Variants in SPEF2 observed in about 807,000 individuals in gnomAD.
The protein encoded by SPEF2 is sperm flagellar and cilia associated 2, also known as sperm flagella and cilia-associated protein 2.
SPEF2 carries 187 observed loss-of-function variants against 224.6 expected under a neutral mutation model. The observed-to-expected ratio is 0.83, with a 90% CI of 0.74 to 0.94. SPEF2 has a LOEUF of 0.94. Ranked by LOEUF, SPEF2 falls within the 40% of genes least tolerant of loss-of-function variation. The pLI is 0.00. For synonymous variants in SPEF2, 715 were observed against 707.3 expected, an observed-to-expected ratio of 1.01 and a Z score of -0.17; for missense variants, 2,170 against 2,135.6, an observed-to-expected ratio of 1.02 and a Z score of -0.32.
At chr5:35,758,817 C>T (rs933153346) in intron 24 of SPEF2, among the ~76,000 whole-genome samples, 2 of 151,852 alleles carry the variant, frequency 1.3e-5, no homozygotes, top group African/African-American at 4.8e-5. Flanking sequence ...ACCAGCCTGG[C>T]CAACATGGCA....
chr5:35,646,808 G>A lies in SPEF2; in HGVS notation c.726+1G>A. ...GATGAAAAAGAAAAAAGAGGCAGAAGTAAGTGATAATCCTTTAATATTGTG... is the reference window on the plus strand; with the variant it reads ...GATGAAAAAGAAAAAAGAGGCAGAAATAAGTGATAATCCTTTAATATTGTG... On this transcript the variant is annotated splice_donor_variant, in intron 5 of 36. Coordinates refer to ENST00000356031, the MANE Select transcript of SPEF2 (RefSeq NM_024867.4). LOFTEE classifies it high-confidence loss of function. 8 of 1,613,552 alleles carry A rather than the reference G, an allele frequency of 5.0e-6. No individual in the cohort carries two copies. Among genetic ancestry groups the A allele is most frequent in the Non-Finnish European group, 5.9e-6 (7 of 1,179,742 alleles).
intron 7 of SPEF2, among the ~76,000 whole-genome samples, chr5:35,658,059 G>C (rs1434969816): frequency 6.6e-6 from 1 of 152,154 alleles, no homozygotes; most frequent in Non-Finnish European, 1.5e-5. Context: ...GAGTACTATA[G>C]ATACCTCCTC....
At chr5:35,795,003 T>G (rs1756467179) in intron 32 of SPEF2, among the ~76,000 whole-genome samples, 1 of 152,064 alleles carries the variant, frequency 6.6e-6, no homozygotes, top group Non-Finnish European at 1.5e-5. Context: ...TGCCAGCTCA[T>G]TGCCCCTCCC....
chr5:35,658,745 A>G (rs1580155007), intron 7 of SPEF2, among the ~76,000 whole-genome samples: 1 of 152,206 alleles, frequency 6.6e-6, no homozygotes. Flanking sequence ...TTGAAAAAAA[A>G]TCACCTAATT....
intron 29 of SPEF2, among the ~76,000 whole-genome samples, chr5:35,778,374 C>T (rs1418264064): frequency 6.6e-6 from 1 of 152,226 alleles, no homozygotes; most frequent in East Asian, 1.9e-4. Context: ...GGGAGTGTTG[C>T]GTTGTTGATT....
chr5:35,793,392 A>C, intron 32 of SPEF2, 51 bp downstream of exon 32: 1 of 1,553,926 alleles, frequency 6.4e-7, no homozygotes, highest in Non-Finnish European at 8.7e-7. Flanking sequence ...CTTGTGACCT[A>C]AGAAGTGAAT....
intron 34 of SPEF2, 111 bp from the exon 35 acceptor site, chr5:35,806,596 G>C: frequency 2.2e-6 from 3 of 1,351,450 alleles, no homozygotes; most frequent in Non-Finnish European, 3.0e-6. Context: ...TTTGTGGTAG[G>C]CTCTGTCATT....
intron 2 of SPEF2, among the ~76,000 whole-genome samples, chr5:35,636,953 G>A (rs1745914826): frequency 6.7e-6 from 1 of 149,148 alleles, no homozygotes; most frequent in Non-Finnish European, 1.5e-5. Flanking sequence ...TCCAGCCTGG[G>A]TGACAGAGTG....
intron 23 of SPEF2, among the ~76,000 whole-genome samples, chr5:35,750,709 G>A (rs1290315184): frequency 2.6e-5 from 4 of 151,842 alleles, no homozygotes; most frequent in Non-Finnish European, 5.9e-5. Context: ...ATGTCGGTGA[G>A]GATGCAGTGA....
chr5:35,736,697 A>G (rs533955342), intron 21 of SPEF2, among the ~76,000 whole-genome samples: 2 of 152,304 alleles, frequency 1.3e-5, no homozygotes, highest in South Asian at 4.1e-4. Flanking sequence ...CATATCATGG[A>G]TGCCTAATGA....
intron 1 of SPEF2, among the ~76,000 whole-genome samples, chr5:35,620,296 G>C (rs1212186287): frequency 6.6e-6 from 1 of 152,138 alleles, no homozygotes; most frequent in Admixed American, 6.5e-5. Context: ...TGCAACCTCT[G>C]GGGAAAGTAA....
At chr5:35,728,150 T>C (rs1302259493) in intron 21 of SPEF2, among the ~76,000 whole-genome samples, 1 of 152,218 alleles carries the variant, frequency 6.6e-6, no homozygotes, top group Non-Finnish European at 1.5e-5. Context: ...AGCAAATTTC[T>C]AGCCTTCTAT....
intron 10 of SPEF2, among the ~76,000 whole-genome samples, chr5:35,684,362 G>C (rs1753271834): frequency 6.6e-6 from 1 of 152,160 alleles, no homozygotes; most frequent in Admixed American, 6.6e-5. Context: ...ATTCTGCTCA[G>C]TGTGTTCCAC....
intron 15 of SPEF2, chr5:35,699,103 A>C (rs1224661585): frequency 6.6e-6 from 1 of 152,146 alleles, no homozygotes; most frequent in Non-Finnish European, 1.5e-5. Context: ...GATTTGGGTG[A>C]TTTTTAGTTT....
chr5:35,725,189 T>C (rs948323040), intron 20 of SPEF2, among the ~76,000 whole-genome samples: 1 of 152,220 alleles, frequency 6.6e-6, no homozygotes, highest in African/African-American at 2.4e-5. Flanking sequence ...AAAATTTTCA[T>C]CTTATTTAAG....
At chr5:35,755,693 T>C (rs1419853887) in intron 24 of SPEF2, among the ~76,000 whole-genome samples, 2 of 152,142 alleles carry the variant, frequency 1.3e-5, no homozygotes, top group Non-Finnish European at 2.9e-5. Flanking sequence ...CACTGCAACC[T>C]CTGCCTCCCA....
At chr5:35,802,230 C>G (rs1391623542) in intron 34 of SPEF2, among the ~76,000 whole-genome samples, 1 of 152,150 alleles carries the variant, frequency 6.6e-6, no homozygotes, top group Non-Finnish European at 1.5e-5. Context: ...CGAGGCCTCC[C>G]CATTATCCAA....
intron 23 of SPEF2, among the ~76,000 whole-genome samples, chr5:35,743,943 G>C (rs909094940): frequency 1.3e-5 from 2 of 152,108 alleles, no homozygotes; most frequent in Admixed American, 1.3e-4. Context: ...GAACAAATAT[G>C]GTAAAGAAGC....
intron 14 of SPEF2, 98 bp downstream of exon 14, chr5:35,695,894 G>A: frequency 1.2e-6 from 1 of 818,296 alleles, no homozygotes; most frequent in Non-Finnish European, 1.9e-6. Flanking sequence ...ATTGCAATGT[G>A]CTCTTCTTTG....
Sources: allele counts gnomAD v4.1 joint callset (sites outside exome capture counted in the v4.1 genomes callset), GRCh38; gene constraint gnomAD v4.1.1; transcripts MANE v1.5; gene names NCBI Gene and HGNC (gene_info 2026-07-23, HGNC 2026-07-21).